The following ISG20 variants were observed in gnomAD, a reference collection of about 807,000 sequenced individuals.
ISG20 encodes the protein interferon-stimulated gene 20 kDa protein.
ISG20 carries 8 observed loss-of-function variants against 11.1 expected under a neutral mutation model. That is an observed-to-expected ratio of 0.72 (90% CI 0.42 to 1.30). ISG20 has a LOEUF of 1.30. Among genes scored for constraint, ISG20 ranks in the 50% most tolerant of loss-of-function variants. The probability of loss-of-function intolerance (pLI) is 0.01; values close to 1 mark genes in which losing one functional copy is unlikely to be tolerated. For missense variants in ISG20, 243 were observed against 250.2 expected (o/e 0.97, Z 0.19); for synonymous variants, 110 against 101.7 (o/e 1.08, Z -0.49).
chr15:88,652,573 C>T (rs558852306), intron 3 of ISG20, among the ~76,000 whole-genome samples: 7 of 42,570 alleles, frequency 1.6e-4, no homozygotes, highest in African/African-American at 6.3e-4. Context: ...TCCTCCCCCT[C>T]CCCCTCCCCC....
At chr15:88,644,603 C>T (rs1211579174) in intron 2 of ISG20, among the ~76,000 whole-genome samples, 1 of 150,738 alleles carries the variant, frequency 6.6e-6, no homozygotes, top group African/African-American at 2.4e-5. Context: ...CAAGGGCCTG[C>T]ATCATCTTTG....
At chr15:88,646,751 C>A (rs2058181173) in intron 2 of ISG20, among the ~76,000 whole-genome samples, 1 of 152,122 alleles carries the variant, frequency 6.6e-6, no homozygotes, top group Non-Finnish European at 1.5e-5. Context: ...GGTTGGCCAG[C>A]CTTTGGTTTC....
At chr15:88,646,411 T>C (rs1305883769) in intron 2 of ISG20, among the ~76,000 whole-genome samples, 1 of 152,194 alleles carries the variant, frequency 6.6e-6, no homozygotes, top group Admixed American at 6.5e-5. Flanking sequence ...GGAGCTGTGG[T>C]GTTCAGATCC....
At chr15:88,647,817 G>C (rs113201793) in intron 2 of ISG20, 9,794 of 152,320 alleles carry the variant, frequency 0.064, 447 homozygotes, top group Non-Finnish European at 0.094. Flanking sequence ...CACCGTGGTC[G>C]CGGGCACAGA....
At chr15:88,638,508 C>T (rs1350438439), upstream of ISG20, among the ~76,000 whole-genome samples, 1 of 152,206 alleles carries the variant, frequency 6.6e-6, no homozygotes, top group East Asian at 1.9e-4. Flanking sequence ...CCTCGCTGCT[C>T]CTTGCCTTCC....
chr15:88,638,537 C>A (rs1017068279), upstream of ISG20, among the ~76,000 whole-genome samples: 2 of 152,148 alleles, frequency 1.3e-5, no homozygotes, highest in African/African-American at 4.8e-5. Context: ...GAAGTGGGGG[C>A]TAGCCACTCC....
Position 88,655,566 on chromosome 15 carries a change from C to CT in ISG20, c.*38dup, listed in dbSNP as rs745567535. ...CAGCCCGTTCCGCAGGGACTAGAGG[C>CT]TTTCGGCTTTTTGGGACAGCAACTA... is the stretch of plus-strand genomic sequence containing the variant. On this transcript the variant is annotated 3_prime_UTR_variant, in exon 4 of 4. Transcript: ENST00000306072. 4 of 1,517,836 alleles carry CT rather than the reference C, an allele frequency of 2.6e-6. No individual in the cohort carries two copies. The highest frequency in any genetic ancestry group is 3.6e-6 in the Non-Finnish European group (4 of 1,113,532). 94.0% of individuals were successfully genotyped at this position (1,517,836 alleles called of 1,614,324 possible). A position where few individuals can be genotyped will look rare whatever the true frequency, so the allele number is the denominator to read the frequency against.
chr15:88,643,436 G>A lies in ISG20; in HGVS notation c.228+3842G>A, dbSNP rs1191122970. Among the ~76,000 whole-genome samples the A allele has an allele frequency of 3.3e-5, 5 of 152,106 alleles. No individual in the cohort carries two copies. Among genetic ancestry groups the A allele is most frequent in the African/African-American group, 4.8e-5 (2 of 41,408 alleles). Reference sequence around the variant, plus strand: ...TTACATTTGTGGGCCAGGTGCAGTGGTTCACACCTGTAATCTCAGCACTTT... The same window carrying A: ...TTACATTTGTGGGCCAGGTGCAGTGATTCACACCTGTAATCTCAGCACTTT... On this transcript the variant is annotated intron_variant, in intron 2 of 3. Coordinates refer to ENST00000306072, the MANE Select transcript of ISG20 (RefSeq NM_002201.6). This position sits in a 1 kb window ranked among gnomAD's most constrained non-coding sequence, Gnocchi z 4.4.
Position 88,643,061 on chromosome 15 carries a change from A to G in ISG20, c.228+3467A>G, listed in dbSNP as rs904342873. On this transcript the variant is annotated intron_variant, in intron 2 of 3. Transcript: ENST00000306072. This position sits in a 1 kb window ranked among gnomAD's most constrained non-coding sequence, Gnocchi z 4.4. ...CAAGATGGTGAGATCTCCTCTACAA[A>G]AAAAATAAATAAATAAAATAAAAAT... 7.2e-5 allele frequency among the ~76,000 whole-genome samples: 11 copies of G among 151,784 alleles called. No individual in the cohort carries two copies. The highest frequency in any genetic ancestry group is 1.2e-4 in the Non-Finnish European group (8 of 67,978).
At chr15:88,641,142 G>A (rs2058074370) in intron 2 of ISG20, among the ~76,000 whole-genome samples, 2 of 151,914 alleles carry the variant, frequency 1.3e-5, no homozygotes, top group South Asian at 2.1e-4. Context: ...ACAGGCACCC[G>A]CCACCATGCC....
intron 2 of ISG20, among the ~76,000 whole-genome samples, chr15:88,644,754 C>A (rs775674037): frequency 1.3e-5 from 2 of 152,152 alleles, no homozygotes; most frequent in African/African-American, 2.4e-5. Context: ...CCACAAGGAG[C>A]TCCCCGCCCT....
In ISG20 at chr15:88,639,392, C is replaced by G; in HGVS notation, c.26C>G (p.Ala9Gly). 6.2e-7 allele frequency: 1 copy of G among 1,613,268 alleles called. No homozygotes were observed. The highest frequency in any genetic ancestry group is 8.5e-7 in the Non-Finnish European group (1 of 1,179,646). The change falls in exon 2 of 4, where the codon GCC (alanine) becomes GGC (glycine). Residue 9 changes from alanine (A) to glycine (G), a missense_variant. By Grantham distance (60) the Ala-to-Gly change is moderately conservative. Transcript: ENST00000306072. The surrounding 1 kb of genome is among the most constrained non-coding windows in gnomAD (Gnocchi z 4.2). MAGSREVV[A>G]MDCEMVGLGP... is the part of the protein sequence containing the mutation. Reference sequence around the variant, plus strand: ...ATGGCTGGGAGCCGTGAGGTGGTGGCCATGGACTGCGAGATGGTGGGGCTG... The same window carrying G: ...ATGGCTGGGAGCCGTGAGGTGGTGGGCATGGACTGCGAGATGGTGGGGCTG...
rs375875076 is a variant in ISG20, at chr15:88,652,096, G to A, written c.229-14G>A. On this transcript the variant is annotated splice_polypyrimidine_tract_variant and intron_variant, in intron 2 of 3. Transcript: ENST00000306072. Reference sequence around the variant, plus strand: ...CTGGGTCATGTAGGGGTGGGCACATGTCTTCCTGGCCAGATCCTGCAGCTC... The same window carrying A: ...CTGGGTCATGTAGGGGTGGGCACATATCTTCCTGGCCAGATCCTGCAGCTC... The A allele has an allele frequency of 2.5e-6, 4 of 1,613,836 alleles. No homozygotes were observed. The African/African-American group carries it at 5.3e-5, about 22-fold the overall frequency.
chr15:88,652,492 C>G (rs2058300417), intron 3 of ISG20, among the ~76,000 whole-genome samples, 182 bp downstream of exon 3: 1 of 5,674 alleles, frequency 1.8e-4, no homozygotes. Context: ...CCCCCTCCTC[C>G]TTCCCCTCCT....
At chr15:88,651,311 G>T (rs996106134) in intron 2 of ISG20, 14 of 979,816 alleles carry the variant, frequency 1.4e-5, no homozygotes, top group Non-Finnish European at 1.7e-5. Flanking sequence ...TGTGGCTGCC[G>T]TAAGGAAGCC....
In ISG20 at chr15:88,639,459, G is replaced by T. The variant is rs1377298646; in HGVS notation, c.93G>T (p.Val31=). 1.9e-6 allele frequency: 3 copies of T among 1,614,186 alleles called. No individual in the cohort carries two copies. The East Asian group carries it at 6.7e-5, about 36-fold the overall frequency. ...GTGGCCTGGCTCGTTGCAGCCTCGT[G>T]AACGTCCACGGTGCTGTGCTGTACG... ...RESGLARCSL[V]NVHGAVLYDK... Residue 31 remains valine (V), a synonymous_variant, in exon 2 of 4, where the codon GTG becomes GTT. Coordinates refer to ENST00000306072, the MANE Select transcript of ISG20 (RefSeq NM_002201.6). The surrounding 1 kb of genome is among the most constrained non-coding windows in gnomAD (Gnocchi z 4.2).
chr15:88,639,126 T>TC lies in ISG20; in HGVS notation c.-25+53dup. 1 of 565,916 alleles carries TC rather than the reference T, an allele frequency of 1.8e-6. No homozygotes were observed. The allele number at this position is 565,916 out of a possible 1,614,324, so 35.1% of individuals were successfully genotyped here. ...GCTGGGGAGGCAGCGGGAGGGGCCT[T>TC]CCCGGTCCCCAGGCTGCGGGGCAGG... On this transcript the variant is annotated intron_variant, in intron 1 of 3. Transcript: ENST00000306072. This position sits in a 1 kb window ranked among gnomAD's most constrained non-coding sequence, Gnocchi z 4.2.
chr15:88,638,654 G>A (rs895947427), upstream of ISG20: 2 of 153,014 alleles, frequency 1.3e-5, no homozygotes, highest in African/African-American at 4.8e-5. Context: ...GCAGGCTCCA[G>A]AAGTTAGTTG....
Position 88,643,571 on chromosome 15 carries a change from G to C in ISG20, c.228+3977G>C, listed in dbSNP as rs1014198494. On this transcript the variant is annotated intron_variant, in intron 2 of 3. Coordinates refer to ENST00000306072, the MANE Select transcript of ISG20 (RefSeq NM_002201.6). This position sits in a 1 kb window ranked among gnomAD's most constrained non-coding sequence, Gnocchi z 4.4. ...ATGCAAAAATTAGCCGGGTGTGGTGGTGGGTGCCTGTAATCCAAGCTACTC... is the reference window on the plus strand; with the variant it reads ...ATGCAAAAATTAGCCGGGTGTGGTGCTGGGTGCCTGTAATCCAAGCTACTC... 6.6e-6 allele frequency among the ~76,000 whole-genome samples: 1 copy of C among 152,116 alleles called. No individual in the cohort carries two copies. The highest frequency in any genetic ancestry group is 1.5e-5 in the Non-Finnish European group (1 of 68,030).
Sources: gnomAD v4.1 joint callset for allele counts (sites outside exome capture counted in the v4.1 genomes callset) on GRCh38, gnomAD v4.1.1 for gene constraint, Gnocchi (gnomAD v3.1) non-coding constraint, MANE v1.5 for transcripts, NCBI Gene and HGNC (gene_info 2026-07-23, HGNC 2026-07-21) for gene names.